SRPK2: variants seen among roughly 807,000 people sequenced by gnomAD.
The protein encoded by SRPK2 is SFRS protein kinase 2.
In SRPK2, 21 loss-of-function variants were observed where a neutral mutation model predicts 90.8. The ratio of observed to expected loss-of-function variants is 0.23; its 90% CI spans 0.16 to 0.33. The LOEUF is 0.33. Among genes scored for constraint, SRPK2 ranks in the 10% least tolerant of loss-of-function variants. The pLI, the probability that SRPK2 is intolerant of heterozygous loss-of-function variation, is 1.00. For missense variants in SRPK2, 620 were observed against 869.0 expected, an observed-to-expected ratio of 0.71 and a Z score of 3.60; for synonymous variants, 288 against 311.1, an observed-to-expected ratio of 0.93 and a Z score of 0.78.
In SRPK2 at chr7:105,274,347, A is replaced by C. The variant is rs372454655; in HGVS notation, c.72-70562T>G. On this transcript the variant is annotated intron_variant, in intron 2 of 15. Transcript: ENST00000393651. Reference sequence around the variant, plus strand: ...GAGGCCCACGTGGGCGGATCATTTGAGGTCAGGAGTTCAAGACCGGCCTGG... The same window carrying C: ...GAGGCCCACGTGGGCGGATCATTTGCGGTCAGGAGTTCAAGACCGGCCTGG... 1.1e-4 allele frequency among the ~76,000 whole-genome samples: 16 copies of C among 152,280 alleles called. No homozygotes were observed. The East Asian group carries it at 2.3e-3, about 22-fold the overall frequency.
At chr7:105,256,831 C>T (rs1803384586) in intron 2 of SRPK2, among the ~76,000 whole-genome samples, 1 of 152,202 alleles carries the variant, frequency 6.6e-6, no homozygotes, top group Non-Finnish European at 1.5e-5. Context: ...TCTGTGCTCC[C>T]CACCTGGCTG....
At chr7:105,290,344 A>T (rs566659651) in intron 2 of SRPK2, among the ~76,000 whole-genome samples, 1 of 152,144 alleles carries the variant, frequency 6.6e-6, no homozygotes, top group East Asian at 1.9e-4. Context: ...ATATATAAAA[A>T]ATTAGCCAGG....
intron 2 of SRPK2, among the ~76,000 whole-genome samples, chr7:105,265,920 G>A (rs186890809): frequency 6.6e-6 from 1 of 151,894 alleles, no homozygotes. Flanking sequence ...AAATGGTTAT[G>A]CTGAGTTTTT....
At chr7:105,213,312 G>A (rs1422467460) in intron 2 of SRPK2, among the ~76,000 whole-genome samples, 1 of 152,178 alleles carries the variant, frequency 6.6e-6, no homozygotes, top group Admixed American at 6.5e-5. Flanking sequence ...GAATACGGTA[G>A]GGATTGCTTG....
At chr7:105,365,412 G>C (rs1174357428) in intron 2 of SRPK2, among the ~76,000 whole-genome samples, 1 of 150,330 alleles carries the variant, frequency 6.7e-6, no homozygotes, top group Non-Finnish European at 1.5e-5. Context: ...CTTGAACCCA[G>C]GAGGCGGAGA....
At chr7:105,221,773 A>G (rs1798127132) in intron 2 of SRPK2, among the ~76,000 whole-genome samples, 1 of 152,144 alleles carries the variant, frequency 6.6e-6, no homozygotes, top group Non-Finnish European at 1.5e-5. Flanking sequence ...CAAAATTAAC[A>G]TACAACTGGT....
At chr7:105,390,067 C>A (rs566102461), upstream of SRPK2, among the ~76,000 whole-genome samples, 1 of 152,286 alleles carries the variant, frequency 6.6e-6, no homozygotes, top group South Asian at 2.1e-4. Flanking sequence ...GCCACATTTG[C>A]TATCTATGTG....
chr7:105,300,924 G>A lies in SRPK2; in HGVS notation c.71+87724C>T, dbSNP rs545928022. ...ACACTTTTACACTGTTGGTGGGACT[G>A]TAAACTAGTTCAACCGTCGTGGAAG... On this transcript the variant is annotated intron_variant, in intron 2 of 15. Coordinates refer to ENST00000393651, the MANE Select transcript of SRPK2 (RefSeq NM_182692.3). 5.3e-4 allele frequency among the ~76,000 whole-genome samples: 81 copies of A among 152,326 alleles called. No individual in the cohort carries two copies. The South Asian group carries it at 8.9e-3, about 17-fold the overall frequency.
chr7:105,339,592 G>A (rs1383211387), intron 2 of SRPK2, among the ~76,000 whole-genome samples: 1 of 152,194 alleles, frequency 6.6e-6, no homozygotes, highest in East Asian at 1.9e-4. Context: ...CCAAGTATGG[G>A]CCATGAACTC....
chr7:105,313,799 A>G (rs546420126), intron 2 of SRPK2, among the ~76,000 whole-genome samples: 1 of 152,180 alleles, frequency 6.6e-6, no homozygotes, highest in African/African-American at 2.4e-5. Context: ...AGCAAGGTAC[A>G]TTGTCAGTGG....
intron 2 of SRPK2, among the ~76,000 whole-genome samples, chr7:105,225,995 T>C (rs1798657733): frequency 6.6e-6 from 1 of 152,304 alleles, no homozygotes; most frequent in South Asian, 2.1e-4. Context: ...AAAGTTCTAC[T>C]GAACAATGCT....
At position 105,372,663 on chromosome 7, in the gene SRPK2, G is replaced by A. The variant is rs536904733; in HGVS notation, c.71+15985C>T. The stretch of plus-strand genomic sequence containing the variant: ...CTTCACCTTTGGTTGGTGGTCATGC[G>A]CCTAGAATTAAAAAAGCCTATAAGC... On this transcript the variant is annotated intron_variant, in intron 2 of 15. Transcript: ENST00000393651. Among the ~76,000 whole-genome samples, 56 of 152,258 alleles carry A rather than the reference G, an allele frequency of 3.7e-4. 1 individual carries two copies. In the South Asian group the frequency reaches 9.7e-3, roughly 26 times the overall value.
chr7:105,301,456 C>T lies in SRPK2; in HGVS notation c.71+87192G>A. ...GGGTCGCCGGGCCTCTGGGCCGCTG[C>T]CCTCGCTTTGTCTTCGTTGTTGCAA... On this transcript the variant is annotated intron_variant, in intron 2 of 15. Coordinates refer to ENST00000393651, the MANE Select transcript of SRPK2 (RefSeq NM_182692.3). The T allele has an allele frequency of 1.6e-5, 14 of 888,718 alleles. No homozygotes were observed. The South Asian group carries it at 1.7e-4, about 11-fold the overall frequency. The allele number at this position is 888,718 out of a possible 1,614,324, so 55.1% of individuals were successfully genotyped here. A position where few individuals can be genotyped will look rare whatever the true frequency, so the allele number is the denominator to read the frequency against.
intron 2 of SRPK2, among the ~76,000 whole-genome samples, chr7:105,280,947 CAAAAAAAAAAAAAAAAAAA>C (rs1158350206): frequency 0.016 from 692 of 43,310 alleles, 3 homozygotes; most frequent in Middle Eastern, 0.024. Context: ...GACTCCATCT[CAAAAAAAAAAAAAAAAAAA>C]AAAAAAAAAA....
rs144361357 is a variant in SRPK2 at position 105,302,587 on chromosome 7, A to G, written c.71+86061T>C. ...GCTTCAGAGAAATTTAAATGCTGGT[A>G]TTTGAACTTTATACATGATACTTTT... On this transcript the variant is annotated intron_variant, in intron 2 of 15. Coordinates refer to ENST00000393651, the MANE Select transcript of SRPK2 (RefSeq NM_182692.3). 5.8e-3 allele frequency among the ~76,000 whole-genome samples: 886 copies of G among 152,278 alleles called. 39 individuals are homozygous for G. The highest frequency in any genetic ancestry group is 0.052 in the Admixed American group (798 of 15,296).
chr7:105,128,071 A>C (rs1801459704), intron 13 of SRPK2, among the ~76,000 whole-genome samples: 1 of 152,190 alleles, frequency 6.6e-6, no homozygotes. Context: ...CTTTAAGGGA[A>C]GGCTCACCTG....
intron 2 of SRPK2, among the ~76,000 whole-genome samples, chr7:105,227,367 C>T (rs1798838328): frequency 6.6e-6 from 1 of 152,034 alleles, no homozygotes; most frequent in African/African-American, 2.4e-5. Flanking sequence ...CCCCAAAGTC[C>T]GTTGCATCAT....
At chr7:105,286,217 C>T (rs1047983276) in intron 2 of SRPK2, among the ~76,000 whole-genome samples, 1 of 152,178 alleles carries the variant, frequency 6.6e-6, no homozygotes, top group Non-Finnish European at 1.5e-5. Flanking sequence ...TTTTCAATGA[C>T]ATTCCTTTAC....
chr7:105,172,405 T>C (rs1192320111), intron 3 of SRPK2, among the ~76,000 whole-genome samples: 4 of 152,212 alleles, frequency 2.6e-5, no homozygotes, highest in Middle Eastern at 3.2e-3. Flanking sequence ...AAACGCAGTG[T>C]TGAACAAAGA....
Sources: gnomAD v4.1 joint callset for allele counts (sites outside exome capture counted in the v4.1 genomes callset) on GRCh38, gnomAD v4.1.1 for gene constraint, MANE v1.5 for transcripts, NCBI Gene and HGNC (gene_info 2026-07-23, HGNC 2026-07-21) for gene names.